MOSMO: variants seen among roughly 807,000 people sequenced by gnomAD.
The protein encoded by MOSMO is modulator of smoothened protein.
MOSMO carries 5 observed loss-of-function variants against 18.4 expected under a neutral mutation model. That is an observed-to-expected ratio of 0.27 (90% CI 0.14 to 0.57). MOSMO has a LOEUF of 0.57. MOSMO is among the 20% of genes least tolerant of loss of function. The pLI is 0.92. For synonymous variants in MOSMO, 82 were observed against 82.3 expected (o/e 1.00, Z 0.02); for missense variants, 138 against 211.8 (o/e 0.65, Z 2.16).
intron 1 of MOSMO, among the ~76,000 whole-genome samples, chr16:22,050,905 A>G (rs1900410847): frequency 6.6e-6 from 1 of 151,304 alleles, no homozygotes; most frequent in Non-Finnish European, 1.5e-5. Context: ...AAAAAAAAAA[A>G]GTGAATGCTG....
At chr16:22,087,740 C>T (rs915326534), downstream of MOSMO, among the ~76,000 whole-genome samples, 4 of 152,188 alleles carry the variant, frequency 2.6e-5, no homozygotes, top group African/African-American at 9.7e-5. Flanking sequence ...ACATGCACCA[C>T]TCCAATACTT....
intron 1 of MOSMO, among the ~76,000 whole-genome samples, chr16:22,038,309 G>A (rs1404622818): frequency 1.3e-5 from 2 of 152,214 alleles, no homozygotes; most frequent in Non-Finnish European, 2.9e-5. Context: ...ATAACTAGTA[G>A]GGAGAGTAAG....
intron 1 of MOSMO, among the ~76,000 whole-genome samples, chr16:22,023,884 C>T (rs1372845808): frequency 2.6e-5 from 4 of 151,736 alleles, no homozygotes; most frequent in African/African-American, 7.3e-5. Context: ...GGTACTTACT[C>T]CTTTTCTGTG....
chr16:22,015,553 A>G (rs1040325258), intron 1 of MOSMO, among the ~76,000 whole-genome samples: 1 of 152,202 alleles, frequency 6.6e-6, no homozygotes, highest in Non-Finnish European at 1.5e-5. Flanking sequence ...AAAAAGTGAC[A>G]TTATCAGTAT....
chr16:22,039,412 A>G (rs1384294931), intron 1 of MOSMO, among the ~76,000 whole-genome samples: 4 of 152,240 alleles, frequency 2.6e-5, no homozygotes, highest in African/African-American at 7.2e-5. Flanking sequence ...TCTACGCCTG[A>G]TACAGCCTTT....
chr16:22,064,875 G>A (rs1377608775), intron 1 of MOSMO, among the ~76,000 whole-genome samples: 1 of 152,108 alleles, frequency 6.6e-6, no homozygotes, highest in East Asian at 1.9e-4. Flanking sequence ...TTGGCAGTAT[G>A]ACAAATATCC....
At chr16:22,069,322 T>C (rs1948975459) in intron 1 of MOSMO, among the ~76,000 whole-genome samples, 1 of 152,074 alleles carries the variant, frequency 6.6e-6, no homozygotes, top group Admixed American at 6.6e-5. Context: ...ATCTAAGAAT[T>C]AGAGCATCAA....
chr16:22,021,405 T>C (rs73533954), intron 1 of MOSMO, among the ~76,000 whole-genome samples: 4,857 of 152,198 alleles, frequency 0.032, 270 homozygotes, highest in African/African-American at 0.11. Context: ...AACTGAAAAA[T>C]AGTTCCTGTC....
At chr16:22,056,779 C>A (rs1345035469) in intron 1 of MOSMO, among the ~76,000 whole-genome samples, 1 of 152,052 alleles carries the variant, frequency 6.6e-6, no homozygotes, top group Non-Finnish European at 1.5e-5. Flanking sequence ...CAGCCTAGTC[C>A]GTTAGGAACC....
At chr16:22,036,517 A>G (rs1383841281) in intron 1 of MOSMO, among the ~76,000 whole-genome samples, 1 of 152,108 alleles carries the variant, frequency 6.6e-6, no homozygotes, top group Non-Finnish European at 1.5e-5. Context: ...GTCCAATCAC[A>G]GCTAATTGTA....
At chr16:22,087,862 C>T (rs1455135639), downstream of MOSMO, among the ~76,000 whole-genome samples, 1 of 152,144 alleles carries the variant, frequency 6.6e-6, no homozygotes, top group Non-Finnish European at 1.5e-5. Context: ...TTTACAATAA[C>T]ATGTATCTGT....
chr16:22,092,535 G>C, the MOSMO span: 11 of 1,453,646 alleles, frequency 7.6e-6, no homozygotes, highest in Non-Finnish European at 9.3e-6. Flanking sequence ...GGCAAGCTTC[G>C]CTGCTGAGTT....
downstream of MOSMO, among the ~76,000 whole-genome samples, chr16:22,089,206 C>T (rs1346873350): frequency 2.6e-5 from 4 of 152,016 alleles, no homozygotes; most frequent in Admixed American, 6.6e-5. Flanking sequence ...TAGCTGGGAC[C>T]ACAGGCACGC....
intron 1 of MOSMO, among the ~76,000 whole-genome samples, chr16:22,035,945 T>C (rs1326514854): frequency 6.6e-6 from 1 of 152,178 alleles, no homozygotes; most frequent in Non-Finnish European, 1.5e-5. Context: ...TGCTAGTGTA[T>C]AGGAATACAA....
downstream of MOSMO, among the ~76,000 whole-genome samples, chr16:22,085,479 G>T (rs975090319): frequency 1.3e-5 from 2 of 152,134 alleles, no homozygotes; most frequent in African/African-American, 4.8e-5. Flanking sequence ...TAATGAATAG[G>T]TCAATTGGAA....
chr16:22,033,704 C>T (rs1206126208), intron 1 of MOSMO, among the ~76,000 whole-genome samples: 1 of 151,638 alleles, frequency 6.6e-6, no homozygotes, highest in East Asian at 2.0e-4. Context: ...CCTGTAGTCC[C>T]AGCCACTTGG....
At chr16:22,073,558 T>G (rs1425494376) in intron 1 of MOSMO, among the ~76,000 whole-genome samples, 1 of 151,952 alleles carries the variant, frequency 6.6e-6, no homozygotes, top group Non-Finnish European at 1.5e-5. Flanking sequence ...TTTTTTTTTT[T>G]GTTTTCAAGG....
chr16:22,074,753 A>G (rs977037706), intron 1 of MOSMO, among the ~76,000 whole-genome samples: 37 of 152,234 alleles, frequency 2.4e-4, no homozygotes, highest in African/African-American at 8.7e-4. Context: ...GAGACACTTT[A>G]AGAATTACCT....
At chr16:22,012,227 G>A (rs964184073) in intron 1 of MOSMO, among the ~76,000 whole-genome samples, 12 of 152,126 alleles carry the variant, frequency 7.9e-5, no homozygotes, top group Admixed American at 3.9e-4. Flanking sequence ...TGAAAACCAC[G>A]GCAGTGAACT....
Sources: allele counts gnomAD v4.1 joint callset (sites outside exome capture counted in the v4.1 genomes callset), GRCh38; gene constraint gnomAD v4.1.1; transcripts MANE v1.5; gene names NCBI Gene and HGNC (gene_info 2026-07-23, HGNC 2026-07-21).